AGK: variants seen among roughly 807,000 people sequenced by gnomAD.
AGK encodes acylglycerol kinase, mitochondrial.
AGK carries 52 observed loss-of-function variants against 66.4 expected under a neutral mutation model. That is an observed-to-expected ratio of 0.78 (90% confidence interval 0.63 to 0.99). The LOEUF (loss-of-function observed/expected upper bound fraction) is 0.99, where lower values mean the gene tolerates loss of function less well. Ranked by LOEUF, AGK falls within the 50% of genes least tolerant of loss-of-function variation. The pLI is 0.00. For synonymous variants in AGK, 182 were observed against 181.1 expected (o/e 1.00, Z -0.04); for missense variants, 451 against 506.6 (o/e 0.89, Z 1.05).
intron 9 of AGK, among the ~76,000 whole-genome samples, chr7:141,627,637 C>A (rs1240657935): frequency 2.6e-5 from 4 of 152,114 alleles, no homozygotes; most frequent in African/African-American, 9.7e-5. Flanking sequence ...ATTTAAATTG[C>A]AGTTGATCTT....
Position 141,653,041 on chromosome 7 carries a change from G to A in AGK, c.*117G>A. The stretch of plus-strand genomic sequence containing the variant: ...AGAGGGTCCCCAGGGCATTTTCATG[G>A]CAAGTACCCCTCTGCCCCCACTCCA... On this transcript the variant is annotated 3_prime_UTR_variant, in exon 16 of 16. Coordinates refer to ENST00000649286, the MANE Select transcript of AGK (RefSeq NM_018238.4). 1 of 1,279,510 alleles carries A rather than the reference G, an allele frequency of 7.8e-7. No individual in the cohort carries two copies. Among genetic ancestry groups the A allele is most frequent in the Non-Finnish European group, 1.1e-6 (1 of 919,592 alleles). The allele number at this position is 1,279,510 out of a possible 1,614,324, so 79.3% of individuals were successfully genotyped here.
chr7:141,574,100 A>C (rs1368378778), intron 2 of AGK, among the ~76,000 whole-genome samples: 1 of 152,232 alleles, frequency 6.6e-6, no homozygotes, highest in Non-Finnish European at 1.5e-5. Context: ...GTTACACAGT[A>C]TATGGAAGAA....
At chr7:141,592,700 GT>G (rs771381577) in intron 2 of AGK, among the ~76,000 whole-genome samples, 140 of 151,642 alleles carry the variant, frequency 9.2e-4, no homozygotes, top group Non-Finnish European at 1.7e-3. Context: ...GGTTTTTTTT[GT>G]TTTTTTGTTT....
intron 14 of AGK, chr7:141,650,436 G>C (rs988514766): frequency 1.7e-5 from 15 of 884,320 alleles, no homozygotes; most frequent in Non-Finnish European, 2.0e-5. Context: ...TGCATTGTTA[G>C]CACCAGTGGC....
chr7:141,627,916 C>T (rs932046136), intron 9 of AGK, among the ~76,000 whole-genome samples: 15 of 152,226 alleles, frequency 9.9e-5, no homozygotes, highest in Non-Finnish European at 2.1e-4. Flanking sequence ...GAGTCTCACT[C>T]TGTCACCCAG....
At chr7:141,627,246 A>G (rs971279364) in intron 9 of AGK, among the ~76,000 whole-genome samples, 2 of 152,326 alleles carry the variant, frequency 1.3e-5, no homozygotes, top group Non-Finnish European at 2.9e-5. Flanking sequence ...TCTCACTTGG[A>G]TAGTAGTTAC....
intron 2 of AGK, among the ~76,000 whole-genome samples, chr7:141,566,222 C>A (rs534175502): frequency 6.6e-6 from 1 of 152,296 alleles, no homozygotes; most frequent in Admixed American, 6.5e-5. Context: ...AATCATCTTA[C>A]ATTTTCTCCA....
At chr7:141,558,654 A>AT (rs1364570789) in intron 2 of AGK, among the ~76,000 whole-genome samples, 2 of 152,018 alleles carry the variant, frequency 1.3e-5, no homozygotes, top group African/African-American at 4.8e-5. Context: ...AGAAGTGGGG[A>AT]TTGCTAGATC....
Position 141,655,109 on chromosome 7 carries a change from C to CTGAT in AGK, c.*2186_*2189dup, listed in dbSNP as rs775595922. The stretch of plus-strand genomic sequence containing the variant: ...CCAGTGCAGAATCTGGCTTTCTTTT[C>CTGAT]TGATAGGCTACCAGTGTGTGTTTAT... On this transcript the variant is annotated 3_prime_UTR_variant, in exon 16 of 16. Coordinates refer to ENST00000649286, the MANE Select transcript of AGK (RefSeq NM_018238.4). The CTGAT allele has an allele frequency of 3.3e-5, 5 of 152,220 alleles. No homozygotes were observed. The highest frequency in any genetic ancestry group is 2.1e-4 in the South Asian group (1 of 4,830). 9.4% of individuals were successfully genotyped at this position (152,220 alleles called of 1,614,324 possible). A position where few individuals can be genotyped will look rare whatever the true frequency, so the allele number is the denominator to read the frequency against.
chr7:141,597,890 C>CAAAAA (rs56295907), intron 4 of AGK, among the ~76,000 whole-genome samples: 541 of 71,294 alleles, frequency 7.6e-3, no homozygotes, highest in Middle Eastern at 9.8e-3. Flanking sequence ...GACTCTGTCT[C>CAAAAA]AAAAAAAAAA....
At chr7:141,582,080 C>T (rs1281007163) in intron 2 of AGK, among the ~76,000 whole-genome samples, 2 of 152,046 alleles carry the variant, frequency 1.3e-5, no homozygotes, top group Admixed American at 6.5e-5. Flanking sequence ...TGGACAGTGT[C>T]AGTCTTCAGC....
chr7:141,564,888 C>A (rs1254021175), intron 2 of AGK, among the ~76,000 whole-genome samples: 1 of 152,116 alleles, frequency 6.6e-6, no homozygotes, highest in Non-Finnish European at 1.5e-5. Context: ...TGCCACCACA[C>A]CTGGCTAATT....
chr7:141,621,786 T>A lies in AGK; in HGVS notation c.573T>A (p.Asp191Glu). ...AIVKGETVPL[D>E]VLQIKGEKEQ... is the part of the protein sequence containing the mutation. Reference sequence around the variant, plus strand: ...TGAAAGGAGAGACAGTTCCACTTGATGTCTTGCAGATCAAGGTAAATCTTT... The same window carrying A: ...TGAAAGGAGAGACAGTTCCACTTGAAGTCTTGCAGATCAAGGTAAATCTTT... The change falls in exon 9 of 16, where the codon GAT (aspartate) becomes GAA (glutamate). Residue 191 changes from aspartate to glutamate, a missense_variant. Coordinates refer to ENST00000649286, the MANE Select transcript of AGK (RefSeq NM_018238.4). 1 of 1,613,256 alleles carries A rather than the reference T, an allele frequency of 6.2e-7. No homozygotes were observed. The highest frequency in any genetic ancestry group is 8.5e-7 in the Non-Finnish European group (1 of 1,179,318).
intron 3 of AGK, chr7:141,593,885 C>T (rs1275231084): frequency 1.3e-5 from 2 of 153,434 alleles, no homozygotes; most frequent in African/African-American, 4.8e-5. Flanking sequence ...ATGTGTGAAG[C>T]ATTTAGTAAT....
At chr7:141,564,875 A>G (rs1419710332) in intron 2 of AGK, among the ~76,000 whole-genome samples, 1 of 152,054 alleles carries the variant, frequency 6.6e-6, no homozygotes, top group Non-Finnish European at 1.5e-5. Context: ...GATTACAGGC[A>G]TGTGCCACCA....
At chr7:141,643,169 T>C (rs1797327077) in intron 13 of AGK, among the ~76,000 whole-genome samples, 2 of 152,198 alleles carry the variant, frequency 1.3e-5, no homozygotes, top group Non-Finnish European at 2.9e-5. Flanking sequence ...ATAATACATG[T>C]CCATTGCAAA....
intron 1 of AGK, among the ~76,000 whole-genome samples, chr7:141,551,671 C>G (rs868387242): frequency 8.5e-5 from 13 of 152,176 alleles, no homozygotes; most frequent in African/African-American, 3.1e-4. Flanking sequence ...GCGCGGATCC[C>G]GTGGTCACGG....
rs535922151 is a variant in AGK, at chr7:141,654,243, G to A, written c.*1319G>A. 7.2e-5 allele frequency: 11 copies of A among 152,224 alleles called. No individual in the cohort carries two copies. The South Asian group carries it at 1.2e-3, about 17-fold the overall frequency. 9.4% of individuals were successfully genotyped at this position (152,224 alleles called of 1,614,324 possible). A position where few individuals can be genotyped will look rare whatever the true frequency, so the allele number is the denominator to read the frequency against. ...ATGAAAACGGTATTAATTCTTGGATGATTAAAAGTTTTTTTATTAGAATGT... is the reference window on the plus strand; with the variant it reads ...ATGAAAACGGTATTAATTCTTGGATAATTAAAAGTTTTTTTATTAGAATGT... On this transcript the variant is annotated 3_prime_UTR_variant, in exon 16 of 16. Transcript: ENST00000649286.
chr7:141,627,453 G>A (rs1796963667), intron 9 of AGK, among the ~76,000 whole-genome samples: 1 of 152,094 alleles, frequency 6.6e-6, no homozygotes, highest in East Asian at 1.9e-4. Context: ...GTGAAAGAAG[G>A]ATCCTCACTG....
Sources: gnomAD v4.1 joint callset for allele counts (sites outside exome capture counted in the v4.1 genomes callset) on GRCh38, gnomAD v4.1.1 for gene constraint, MANE v1.5 for transcripts, NCBI Gene and HGNC (gene_info 2026-07-23, HGNC 2026-07-21) for gene names.